TBC1D32: variants seen among roughly 807,000 people sequenced by gnomAD.
TBC1D32 encodes TBC1 domain family member 32.
A neutral mutation model predicts 170.3 loss-of-function variants in TBC1D32; 151 were observed. The ratio of observed to expected loss-of-function variants is 0.89; its 90% confidence interval spans 0.78 to 1.01. TBC1D32 has a LOEUF of 1.01. Ranked by LOEUF, TBC1D32 falls within the 50% of genes least tolerant of loss-of-function variation. The pLI is 0.00. For missense variants in TBC1D32, 1,464 were observed against 1,457.1 expected (o/e 1.00, Z -0.08); for synonymous variants, 498 against 488.0 (o/e 1.02, Z -0.27).
chr6:121,330,725 G>T (rs967737697), intron 1 of TBC1D32, among the ~76,000 whole-genome samples: 2 of 152,148 alleles, frequency 1.3e-5, no homozygotes, highest in African/African-American at 4.8e-5. Flanking sequence ...TGATTCATCT[G>T]TGGTGGGGAC....
At chr6:121,208,828 G>C (rs1792670971) in intron 21 of TBC1D32, among the ~76,000 whole-genome samples, 1 of 150,992 alleles carries the variant, frequency 6.6e-6, no homozygotes, top group Admixed American at 6.6e-5. Context: ...CAAACTTCTG[G>C]CCTTCAGAAT....
intron 22 of TBC1D32, among the ~76,000 whole-genome samples, chr6:121,171,824 AG>A (rs1787052594): frequency 1.3e-5 from 2 of 152,134 alleles, no homozygotes; most frequent in Non-Finnish European, 2.9e-5. Context: ...TGAGAATGCT[AG>A]GGGGCTATGG....
rs1282709453 is a variant in TBC1D32 at position 121,281,563 on chromosome 6, T to C, written c.1589A>G (p.Asn530Ser). Reference protein sequence around the residue: ...VIETLLQPIHNLMKGNEASPN... With the variant: ...VIETLLQPIHSLMKGNEASPN... ...ACGAACCTCATTTCCTTTCATTAAA[T>C]TGTGAATAGGCTGAAGAAGTGTCTC... Residue 530 changes from asparagine (N) to serine (S), a missense_variant, in exon 14 of 32, where the codon AAT becomes AGT. Physicochemically the swap from Asn to Ser is conservative, Grantham distance 46. This residue lies in a region of TBC1D32 where 1,363 missense variants were observed against 1,338.1 expected (regional missense o/e 1.02). Transcript: ENST00000398212. The C allele has an allele frequency of 3.1e-6, 5 of 1,605,772 alleles. No individual in the cohort carries two copies. The Admixed American group carries it at 8.5e-5, about 27-fold the overall frequency.
chr6:121,330,381 C>G (rs1811054634), intron 1 of TBC1D32, among the ~76,000 whole-genome samples: 1 of 152,038 alleles, frequency 6.6e-6, no homozygotes, highest in Non-Finnish European at 1.5e-5. Flanking sequence ...CTAGAGTTCC[C>G]TAATTAAAAA....
At chr6:121,189,061 G>T (rs115436293) in intron 22 of TBC1D32, among the ~76,000 whole-genome samples, 42 of 152,082 alleles carry the variant, frequency 2.8e-4, no homozygotes, top group African/African-American at 1.0e-3. Flanking sequence ...TTTAATTGTT[G>T]TCATAAAGAA....
At chr6:121,245,565 G>T (rs1797487869) in intron 17 of TBC1D32, among the ~76,000 whole-genome samples, 1 of 152,138 alleles carries the variant, frequency 6.6e-6, no homozygotes, top group Non-Finnish European at 1.5e-5. Flanking sequence ...CCAATAGGCA[G>T]ACAGCCTCTG....
intron 22 of TBC1D32, among the ~76,000 whole-genome samples, chr6:121,162,338 A>G (rs1161070700): frequency 6.6e-6 from 1 of 152,156 alleles, no homozygotes; most frequent in Non-Finnish European, 1.5e-5. Flanking sequence ...TTTTGGGTTT[A>G]CATTGAAGTA....
chr6:121,146,142 A>G (rs1582957482), intron 24 of TBC1D32, among the ~76,000 whole-genome samples: 1 of 152,210 alleles, frequency 6.6e-6, no homozygotes, highest in Non-Finnish European at 1.5e-5. Flanking sequence ...TTCTCCAAGA[A>G]ACAGAACCAA....
At chr6:121,312,213 G>C (rs1808316367) in intron 3 of TBC1D32, among the ~76,000 whole-genome samples, 1 of 152,054 alleles carries the variant, frequency 6.6e-6, no homozygotes, top group African/African-American at 2.4e-5. Context: ...GGCAAGGGGA[G>C]GGAGAGCATT....
intron 22 of TBC1D32, among the ~76,000 whole-genome samples, chr6:121,197,612 T>C (rs186008677): frequency 2.0e-5 from 3 of 152,358 alleles, no homozygotes; most frequent in East Asian, 1.9e-4. Flanking sequence ...TAACTTCATG[T>C]AATAGTATTT....
chr6:121,253,569 A>T (rs537079207), intron 17 of TBC1D32, among the ~76,000 whole-genome samples: 1 of 152,018 alleles, frequency 6.6e-6, no homozygotes, highest in South Asian at 2.1e-4. Context: ...ATACAAAAAC[A>T]TTAGCCGGGC....
chr6:121,260,757 C>G (rs1799653975), intron 15 of TBC1D32, among the ~76,000 whole-genome samples: 1 of 152,206 alleles, frequency 6.6e-6, no homozygotes, highest in Non-Finnish European at 1.5e-5. Flanking sequence ...CTAGGCCTGC[C>G]AAGTTCCTGG....
chr6:121,298,962 T>C (rs573785912), intron 10 of TBC1D32, among the ~76,000 whole-genome samples: 26 of 152,308 alleles, frequency 1.7e-4, no homozygotes, highest in Non-Finnish European at 2.9e-5. Flanking sequence ...GTTCTACTAA[T>C]AGTAACAAAT....
Position 121,281,677 on chromosome 6 carries a change from G to C in TBC1D32, c.1475C>G (p.Ser492Cys), listed in dbSNP as rs765758059. The C allele has an allele frequency of 6.3e-7, 1 of 1,587,476 alleles. No homozygotes were observed. Among genetic ancestry groups the C allele is most frequent in the Admixed American group, 1.8e-5 (1 of 55,982 alleles). Residue 492 changes from serine (S) to cysteine (C), a missense_variant, in exon 14 of 32, where the codon TCT becomes TGT. This residue lies in a region of TBC1D32 where 1,363 missense variants were observed against 1,338.1 expected (regional missense o/e 1.02). Coordinates refer to ENST00000398212, the MANE Select transcript of TBC1D32 (RefSeq NM_152730.6). ...MTSAAHSENYSPASMVTEVLW... is the reference protein window; with the variant it reads ...MTSAAHSENYCPASMVTEVLW... The stretch of plus-strand genomic sequence containing the variant: ...AACTTCAGTCACCATACTTGCAGGA[G>C]AGTAATTCTCTAATAAACAATAAAT...
At chr6:121,258,988 AAAG>A (rs1300629203) in intron 15 of TBC1D32, among the ~76,000 whole-genome samples, 1 of 151,692 alleles carries the variant, frequency 6.6e-6, no homozygotes, top group Non-Finnish European at 1.5e-5. Flanking sequence ...TTAAAAAAAA[AAAG>A]AAAGAAAGAG....
chr6:121,085,166 CTAGAGA>C (rs1363825491), intron 31 of TBC1D32, among the ~76,000 whole-genome samples: 2 of 150,020 alleles, frequency 1.3e-5, no homozygotes, highest in Non-Finnish European at 3.0e-5. Flanking sequence ...TTTACCCTTA[CTAGAGA>C]TAATCTTTTT....
At chr6:121,084,747 T>C (rs944234794) in intron 31 of TBC1D32, among the ~76,000 whole-genome samples, 3 of 152,176 alleles carry the variant, frequency 2.0e-5, no homozygotes, top group Middle Eastern at 3.4e-3. Context: ...AAAATCTGAA[T>C]TGAAGATAAG....
Position 121,080,742 on chromosome 6 carries a change from AC to A in TBC1D32, c.*28del. On this transcript the variant is annotated 3_prime_UTR_variant, in exon 32 of 32. Transcript: ENST00000398212. ...CCTGCTGTGTTTAAAAATAAATAAA[AC>A]CTAAATTTAAACCGTGTGTCTCATG... 2 of 1,590,472 alleles carry A rather than the reference AC, an allele frequency of 1.3e-6. No individual in the cohort carries two copies. The highest frequency in any genetic ancestry group is 1.7e-6 in the Non-Finnish European group (2 of 1,171,074).
chr6:121,160,248 G>A, intron 23 of TBC1D32, 145 bp from the exon 24 acceptor site: 1 of 550,768 alleles, frequency 1.8e-6, no homozygotes, highest in East Asian at 2.8e-5. Flanking sequence ...AAAGCTATTT[G>A]ATACTATACT....
Sources: allele counts gnomAD v4.1 joint callset (sites outside exome capture counted in the v4.1 genomes callset), GRCh38; gene constraint gnomAD v4.1.1; regional missense constraint gnomAD v4.1.1; transcripts MANE v1.5; gene names NCBI Gene and HGNC (gene_info 2026-07-23, HGNC 2026-07-21).